JHY: variants seen among roughly 807,000 people sequenced by gnomAD.
JHY encodes jhy protein homolog.
In JHY, 69 loss-of-function variants were observed where a neutral mutation model predicts 78.0. The ratio of observed to expected loss-of-function variants is 0.88; its 90% CI spans 0.73 to 1.08. The LOEUF is 1.08. Ranked by LOEUF, JHY falls within the 50% of genes least tolerant of loss-of-function variation. The pLI is 0.00. For synonymous variants in JHY, 368 were observed against 342.6 expected (o/e 1.07, Z -0.82); for missense variants, 944 against 927.8 (o/e 1.02, Z -0.23).
intron 6 of JHY, among the ~76,000 whole-genome samples, chr11:122,955,510 TC>T (rs923752129): frequency 6.6e-6 from 1 of 150,402 alleles, no homozygotes; most frequent in African/African-American, 2.5e-5. Flanking sequence ...TAGGGTTTTT[TC>T]CTGCCTATTA....
intron 2 of JHY, among the ~76,000 whole-genome samples, chr11:122,897,073 TCTCAAACTCCTGAC>T (rs1359423713): frequency 2.0e-5 from 3 of 152,026 alleles, no homozygotes; most frequent in Non-Finnish European, 4.4e-5. Context: ...GCCGTGCTGA[TCTCAAACTCCTGAC>T]CTCATAATCC....
At chr11:122,887,479 C>T (rs1022228868) in intron 2 of JHY, among the ~76,000 whole-genome samples, 3 of 152,078 alleles carry the variant, frequency 2.0e-5, no homozygotes, top group Admixed American at 2.0e-4. Flanking sequence ...TGTGCCACCA[C>T]GCCCAGCTAA....
chr11:122,958,810 G>A, intron 8 of JHY: 1 of 984,956 alleles, frequency 1.0e-6, no homozygotes, highest in African/African-American at 1.7e-5. Flanking sequence ...CTGGTATAAT[G>A]ATGGGAGCTC....
chr11:122,911,529 C>T (rs1453884241), intron 3 of JHY, among the ~76,000 whole-genome samples: 2 of 152,178 alleles, frequency 1.3e-5, no homozygotes, highest in Non-Finnish European at 2.9e-5. Flanking sequence ...ACATTCCAGT[C>T]ATACGGCAAA....
rs139733945 is a variant in JHY at position 122,950,594 on chromosome 11, A to G, written c.1929+3802A>G. On this transcript the variant is annotated intron_variant, in intron 6 of 8. Coordinates refer to ENST00000227349, the MANE Select transcript of JHY (RefSeq NM_024806.4). ...AATTCACCTGAGCCCTCATTTCTTC[A>G]TCTACACAATCAGAATTATTCTTTC... is the stretch of plus-strand genomic sequence containing the variant. 2.2e-3 allele frequency among the ~76,000 whole-genome samples: 337 copies of G among 152,238 alleles called. 2 individuals carry two copies. Among genetic ancestry groups the G allele is most frequent in the African/African-American group, 7.7e-3 (321 of 41,550 alleles).
In JHY at chr11:122,917,879, A is replaced by G. The variant is rs1565319652; in HGVS notation, c.865-7018A>G. On this transcript the variant is annotated intron_variant, in intron 3 of 8. Transcript: ENST00000227349. The surrounding 1 kb of genome is among the most constrained non-coding windows in gnomAD (Gnocchi z 4.1). Reference sequence around the variant, plus strand: ...TAAAAATGGCCATTATTCATTTAGCATATATTTATTTATTTTATTTTACTT... The same window carrying G: ...TAAAAATGGCCATTATTCATTTAGCGTATATTTATTTATTTTATTTTACTT... 6.6e-6 allele frequency among the ~76,000 whole-genome samples: 1 copy of G among 151,752 alleles called. No homozygotes were observed. The highest frequency in any genetic ancestry group is 1.5e-5 in the Non-Finnish European group (1 of 68,008).
intron 4 of JHY, among the ~76,000 whole-genome samples, chr11:122,932,735 A>G (rs1863661919): frequency 6.6e-6 from 1 of 152,214 alleles, no homozygotes; most frequent in African/African-American, 2.4e-5. Flanking sequence ...TAATATAGCA[A>G]TTATTTTCTG....
At chr11:122,952,664 C>A (rs1458855496) in intron 6 of JHY, among the ~76,000 whole-genome samples, 1 of 152,134 alleles carries the variant, frequency 6.6e-6, no homozygotes, top group African/African-American at 2.4e-5. Context: ...GAGTACTGGG[C>A]AATTATTCAT....
rs375934245 is a variant in JHY, at chr11:122,907,573, G to A, written c.864+3129G>A. Among the ~76,000 whole-genome samples, 55 of 152,098 alleles carry A rather than the reference G, an allele frequency of 3.6e-4. 3 individuals carry two copies. The South Asian group carries it at 0.01, about 28-fold the overall frequency. ...AAAAGTGATTTTTTTGACCAGGTGC[G>A]GTGGCTCACGCCTGTAATCCTAGCA... is the stretch of plus-strand genomic sequence containing the variant. On this transcript the variant is annotated intron_variant, in intron 3 of 8. Transcript: ENST00000227349.
intron 3 of JHY, among the ~76,000 whole-genome samples, chr11:122,920,653 A>G (rs1863342037): frequency 1.3e-5 from 2 of 152,158 alleles, no homozygotes; most frequent in Admixed American, 1.3e-4. Context: ...ACTCAATCTG[A>G]GTTGCTTTCC....
chr11:122,938,406 T>TG lies in JHY; in HGVS notation c.1634+3331_1634+3332insG, dbSNP rs199876741. Among the ~76,000 whole-genome samples the TG allele has an allele frequency of 3.3e-3, 501 of 152,172 alleles. 3 individuals carry two copies. The highest frequency in any genetic ancestry group is 0.011 in the African/African-American group (455 of 41,518). On this transcript the variant is annotated intron_variant, in intron 5 of 8. Coordinates refer to ENST00000227349, the MANE Select transcript of JHY (RefSeq NM_024806.4). ...GTTTGTTAATTTCCGACAGGATTTT[T>TG]TTGTTGTTGTTTCTGTTATTGGTTT...
At chr11:122,892,444 T>C (rs1181172902) in intron 2 of JHY, among the ~76,000 whole-genome samples, 1 of 151,978 alleles carries the variant, frequency 6.6e-6, no homozygotes, top group Non-Finnish European at 1.5e-5. Flanking sequence ...TGCCTCAGCC[T>C]CCTGAGTAAC....
In JHY at chr11:122,963,351, A is replaced by G. The variant is rs558321168; in HGVS notation, c.*3906A>G. Among the ~76,000 whole-genome samples, 2 of 152,352 alleles carry G rather than the reference A, an allele frequency of 1.3e-5. No homozygotes were observed. Among genetic ancestry groups the G allele is most frequent in the Non-Finnish European group, 2.9e-5 (2 of 68,026 alleles). On this transcript the variant is annotated 3_prime_UTR_variant, in exon 9 of 9. Coordinates refer to ENST00000227349, the MANE Select transcript of JHY (RefSeq NM_024806.4). ...AAGGCAACTCTTTACTATCCAGTAC[A>G]TAAGACTCTAGAACATTAAAATTCT...
At chr11:122,918,255 G>T (rs1863275221) in intron 3 of JHY, among the ~76,000 whole-genome samples, 3 of 151,440 alleles carry the variant, frequency 2.0e-5, no homozygotes, top group Admixed American at 2.0e-4. Context: ...TAGGTGCTTG[G>T]GATACATCCC....
chr11:122,907,653 T>C (rs752191535), intron 3 of JHY, among the ~76,000 whole-genome samples: 12 of 152,192 alleles, frequency 7.9e-5, no homozygotes, highest in Non-Finnish European at 1.3e-4. Context: ...GAGACCAGCC[T>C]GACCATCATG....
chr11:122,948,442 T>TTAATAATAATAA (rs10527069), intron 6 of JHY, among the ~76,000 whole-genome samples: 13 of 143,502 alleles, frequency 9.1e-5, no homozygotes, highest in Admixed American at 6.3e-4. Flanking sequence ...AAACTTTGTC[T>TTAATAATAATAA]TAATAATAAT....
chr11:122,892,557 C>T (rs1461605769), intron 2 of JHY, among the ~76,000 whole-genome samples: 3 of 152,038 alleles, frequency 2.0e-5, no homozygotes, highest in African/African-American at 2.4e-5. Context: ...CTTCTGACCT[C>T]GTGATCTGCC....
chr11:122,920,698 A>G (rs1467158588), intron 3 of JHY, among the ~76,000 whole-genome samples: 1 of 152,114 alleles, frequency 6.6e-6, no homozygotes, highest in African/African-American at 2.4e-5. Context: ...CAAGGAACAT[A>G]ATGTACAATT....
intron 5 of JHY, 129 bp from the exon 6 acceptor site, chr11:122,946,369 C>T (rs1266168064): frequency 3.1e-5 from 31 of 999,092 alleles, no homozygotes; most frequent in Non-Finnish European, 4.1e-5. Flanking sequence ...AAAGATTAAG[C>T]TAAAGGTCAT....
Sources: gnomAD v4.1 joint callset for allele counts (sites outside exome capture counted in the v4.1 genomes callset) on GRCh38, gnomAD v4.1.1 for gene constraint, Gnocchi (gnomAD v3.1) non-coding constraint, MANE v1.5 for transcripts, NCBI Gene and HGNC (gene_info 2026-07-23, HGNC 2026-07-21) for gene names.